ANKHD1: variants seen among roughly 807,000 people sequenced by gnomAD.
ANKHD1 encodes ankyrin repeat and KH domain-containing protein 1.
ANKHD1 carries 31 observed loss-of-function variants against 230.5 expected under a neutral mutation model. That is an observed-to-expected ratio of 0.13 (90% CI 0.10 to 0.18). The LOEUF (loss-of-function observed/expected upper bound fraction) is 0.18. Ranked by LOEUF, ANKHD1 falls within the 10% of genes least tolerant of loss-of-function variation. The pLI is 1.00. For synonymous variants in ANKHD1, 1,074 were observed against 1,117.6 expected (o/e 0.96, Z 0.78); for missense variants, 2,256 against 3,071.3 (o/e 0.73, Z 6.27).
At chr5:140,530,851 A>G (rs1245479178) in intron 29 of ANKHD1, among the ~76,000 whole-genome samples, 1 of 152,276 alleles carries the variant, frequency 6.6e-6, no homozygotes, top group Non-Finnish European at 1.5e-5. Context: ...TGCTAATTAT[A>G]AACTGACCTA....
chr5:140,450,128 A>T (rs1774601335), intron 7 of ANKHD1, among the ~76,000 whole-genome samples: 1 of 152,228 alleles, frequency 6.6e-6, no homozygotes, highest in African/African-American at 2.4e-5. Context: ...AGTATTTAAG[A>T]CAGATTTAAT....
intron 10 of ANKHD1, among the ~76,000 whole-genome samples, chr5:140,467,062 A>G (rs1281183343): frequency 6.6e-6 from 1 of 152,162 alleles, no homozygotes; most frequent in Non-Finnish European, 1.5e-5. Flanking sequence ...TTTACATGAA[A>G]TTATAGACAC....
At chr5:140,478,128 A>G (rs1023924103) in intron 10 of ANKHD1, among the ~76,000 whole-genome samples, 1 of 152,180 alleles carries the variant, frequency 6.6e-6, no homozygotes, top group Non-Finnish European at 1.5e-5. Context: ...TAAAAGCAGG[A>G]GAACACCTTG....
chr5:140,458,802 C>A lies in ANKHD1; in HGVS notation c.1420C>A (p.Pro474Thr). Residue 474 changes from proline (P) to threonine (T), a missense_variant, in exon 8 of 34, where the codon CCC becomes ACC. Physicochemically the swap from Pro to Thr is conservative, Grantham distance 38. Coordinates refer to ENST00000360839, the MANE Select transcript of ANKHD1 (RefSeq NM_017747.3). ...AGAAGTTAATGATGAAGGATACACT[C>A]CCTTGATGGAAGCTGCCCGGGAAGG... The part of the protein sequence containing the change: ...LEEVNDEGYT[P>T]LMEAAREGHE... 2 of 1,613,052 alleles carry A rather than the reference C, an allele frequency of 1.2e-6. No homozygotes were observed. Among genetic ancestry groups the A allele is most frequent in the Non-Finnish European group, 1.7e-6 (2 of 1,179,692 alleles).
chr5:140,520,339 A>G (rs1278122752), intron 24 of ANKHD1, among the ~76,000 whole-genome samples: 1 of 151,836 alleles, frequency 6.6e-6, no homozygotes, highest in Non-Finnish European at 1.5e-5. Flanking sequence ...TGGGACTCTA[A>G]ACTAGTTCAA....
chr5:140,460,178 G>A lies in ANKHD1; in HGVS notation c.1672+823G>A, dbSNP rs530069674. On this transcript the variant is annotated intron_variant, in intron 9 of 33. Coordinates refer to ENST00000360839, the MANE Select transcript of ANKHD1 (RefSeq NM_017747.3). ...GTGGGAATTAATTTATTTTTACAGAGTACTAATTTTAAAAATATTTGTGCT... is the reference window on the plus strand; with the variant it reads ...GTGGGAATTAATTTATTTTTACAGAATACTAATTTTAAAAATATTTGTGCT... Among the ~76,000 whole-genome samples the A allele has an allele frequency of 1.4e-4, 21 of 152,108 alleles. 1 individual carries two copies. The highest frequency in any genetic ancestry group is 2.1e-4 in the South Asian group (1 of 4,818).
intron 1 of ANKHD1, among the ~76,000 whole-genome samples, chr5:140,426,849 A>G (rs558194775): frequency 6.6e-6 from 1 of 152,382 alleles, no homozygotes; most frequent in East Asian, 1.9e-4. Flanking sequence ...TCACAGATCA[A>G]CAGGATCCCA....
At chr5:140,503,432 C>T (rs1752389467) in intron 15 of ANKHD1, among the ~76,000 whole-genome samples, 2 of 151,926 alleles carry the variant, frequency 1.3e-5, no homozygotes, top group African/African-American at 4.8e-5. Flanking sequence ...ATCTCTTAGA[C>T]TACTCACAAC....
chr5:140,459,709 A>G (rs865822742), intron 9 of ANKHD1, among the ~76,000 whole-genome samples: 4 of 152,192 alleles, frequency 2.6e-5, no homozygotes, highest in African/African-American at 4.8e-5. Context: ...CAACATATAC[A>G]TATATCATAA....
At position 140,401,988 on chromosome 5, in the gene ANKHD1, C is replaced by T. The variant is rs768759329; in HGVS notation, c.21C>T (p.Gly7=). The change falls in exon 1 of 34, where the codon GGC becomes GGT. Residue 7 remains glycine (G), a synonymous_variant. Transcript: ENST00000360839. ...GAACAATGCTGACTGATAGCGGAGG[C>T]GGCGGCACCTCCTTTGAGGAGGACC... The part of the protein sequence containing the change: MLTDSG[G]GGTSFEEDLD... The T allele has an allele frequency of 1.9e-6, 3 of 1,559,640 alleles. No homozygotes were observed. The highest frequency in any genetic ancestry group is 2.8e-5 in the African/African-American group (2 of 70,492).
Position 140,440,165 on chromosome 5 carries a change from C to G in ANKHD1, c.664C>G (p.Arg222Gly). The change falls in exon 4 of 34, where the codon CGT (arginine) becomes GGT (glycine). Residue 222 changes from arginine (R) to glycine (G), a missense_variant. Coordinates refer to ENST00000360839, the MANE Select transcript of ANKHD1 (RefSeq NM_017747.3). ...ACSDGDVNAVRKLLDEGRSVN... is the reference protein window; with the variant it reads ...ACSDGDVNAVGKLLDEGRSVN... ...TTCAGATGGGGATGTTAATGCTGTTCGTAAATTGCTAGATGAAGGCAGAAG... is the reference window on the plus strand; with the variant it reads ...TTCAGATGGGGATGTTAATGCTGTTGGTAAATTGCTAGATGAAGGCAGAAG... The G allele has an allele frequency of 6.2e-7, 1 of 1,612,564 alleles. No homozygotes were observed. Among genetic ancestry groups the G allele is most frequent in the Non-Finnish European group, 8.5e-7 (1 of 1,179,264 alleles).
intron 7 of ANKHD1, 110 bp downstream of exon 7, chr5:140,449,415 A>G: frequency 7.8e-6 from 10 of 1,282,664 alleles, no homozygotes; most frequent in Non-Finnish European, 9.6e-6. Context: ...CTGTAATCCC[A>G]GCACTTTGAG....
At chr5:140,413,884 G>C (rs1475472716) in intron 1 of ANKHD1, among the ~76,000 whole-genome samples, 3 of 152,040 alleles carry the variant, frequency 2.0e-5, no homozygotes, top group Admixed American at 6.6e-5. Context: ...GGGTTCAAGT[G>C]ATTCTCCTGC....
chr5:140,497,884 CACA>C (rs1259496258), intron 15 of ANKHD1, among the ~76,000 whole-genome samples: 1 of 43,600 alleles, frequency 2.3e-5, no homozygotes, highest in Non-Finnish European at 5.6e-5. Flanking sequence ...ACACCACACA[CACA>C]CACACACACA....
chr5:140,444,836 G>C (rs894443377), intron 5 of ANKHD1, among the ~76,000 whole-genome samples: 20 of 152,110 alleles, frequency 1.3e-4, no homozygotes, highest in Admixed American at 1.0e-3. Context: ...TCAGACAACT[G>C]TTACTCTACT....
Position 140,487,020 on chromosome 5 carries a change from T to C in ANKHD1, c.2205T>C (p.Thr735=), listed in dbSNP as rs748186628. 1.2e-6 allele frequency: 2 copies of C among 1,613,468 alleles called. No homozygotes were observed. Among genetic ancestry groups the C allele is most frequent in the Non-Finnish European group, 1.7e-6 (2 of 1,179,646 alleles). The change falls in exon 14 of 34, where the codon ACT becomes ACC. Residue 735 remains threonine (T), a synonymous_variant. Coordinates refer to ENST00000360839, the MANE Select transcript of ANKHD1 (RefSeq NM_017747.3). The part of the protein sequence containing the change: ...MVVPPQEPDR[T]SQENSPALLG... ...TACCTCCCCAGGAACCTGACAGAAC[T>C]TCACAGGAGAACTCTCCTGCCCTTT...
intron 10 of ANKHD1, among the ~76,000 whole-genome samples, chr5:140,469,623 G>A (rs1776350199): frequency 6.6e-6 from 1 of 152,090 alleles, no homozygotes; most frequent in Non-Finnish European, 1.5e-5. Context: ...CTGGAAGTAT[G>A]TGAAGACACC....
At position 140,491,090 on chromosome 5, in the gene ANKHD1, GTGTA is replaced by G. The variant is rs1437241645; in HGVS notation, c.2245+4032_2245+4035del. On this transcript the variant is annotated intron_variant, in intron 14 of 33. Transcript: ENST00000360839. ...TATATGTATGTATATATGTGTGTGT[GTGTA>G]TATATATATATATACACACACACAC... Among the ~76,000 whole-genome samples the G allele has an allele frequency of 5.7e-3, 550 of 96,580 alleles. 2 individuals carry two copies. Among genetic ancestry groups the G allele is most frequent in the East Asian group, 0.019 (57 of 2,994 alleles). The allele number at this position is 96,580 out of a possible 152,430, so 63.4% of individuals were successfully genotyped here.
At chr5:140,531,793 T>G (rs1049164256) in intron 29 of ANKHD1, among the ~76,000 whole-genome samples, 1 of 152,158 alleles carries the variant, frequency 6.6e-6, no homozygotes, top group Non-Finnish European at 1.5e-5. Flanking sequence ...GGCACACCAA[T>G]GTTCATAGCA....
Sources: allele counts gnomAD v4.1 joint callset (sites outside exome capture counted in the v4.1 genomes callset), GRCh38; gene constraint gnomAD v4.1.1; transcripts MANE v1.5; gene names NCBI Gene and HGNC (gene_info 2026-07-23, HGNC 2026-07-21).